RTL4: variants seen among roughly 807,000 people sequenced by gnomAD.
RTL4 encodes retrotransposon Gag-like protein 4.
Under a neutral mutation model 5.3 loss-of-function variants are expected in RTL4, and 4 were observed. That is an observed-to-expected ratio of 0.75 (90% CI 0.37 to 1.72). The LOEUF (loss-of-function observed/expected upper bound fraction) is 1.72. Among genes scored for constraint, RTL4 ranks in the 40% most tolerant of loss-of-function variants. RTL4 has a pLI of 0.04. For synonymous variants in RTL4, 98 were observed against 87.3 expected (o/e 1.12, Z -0.68); for missense variants, 260 against 227.1 (o/e 1.14, Z -0.93).
At chrX:112,158,135 C>T in the RTL4 span, among the ~76,000 whole-genome samples, 1 of 40,151 alleles carries the variant, frequency 2.5e-5, no homozygotes, top group Non-Finnish European at 4.1e-5. Context: ...TGGCTCCAGC[C>T]TCCAATGATG....
At chrX:112,280,288 G>T in the RTL4 span, among the ~76,000 whole-genome samples, 4 of 111,149 alleles carry the variant, frequency 3.6e-5, no homozygotes, top group African/African-American at 1.3e-4. Context: ...ATAAGGATGG[G>T]AAAAATAGAC....
the RTL4 span, among the ~76,000 whole-genome samples, chrX:112,241,275 C>T: frequency 9.0e-6 from 1 of 111,383 alleles, no homozygotes; most frequent in African/African-American, 3.3e-5. Context: ...CACACTGTCT[C>T]CCACAATGTT....
At chrX:112,126,671 T>C in the RTL4 span, among the ~76,000 whole-genome samples, 74 of 111,822 alleles carry the variant, frequency 6.6e-4, no homozygotes, top group African/African-American at 2.0e-3. Context: ...TTAAGTAGGC[T>C]GACTAAAATA....
At chrX:112,104,988 C>T in the RTL4 span, among the ~76,000 whole-genome samples, 1 of 111,682 alleles carries the variant, frequency 9.0e-6, no homozygotes, top group East Asian at 2.8e-4. Context: ...ATCAAGCTTT[C>T]CTCCTATGTT....
At chrX:112,418,782 G>A in the RTL4 span, among the ~76,000 whole-genome samples, 4 of 109,191 alleles carry the variant, frequency 3.7e-5, no homozygotes, top group Non-Finnish European at 5.7e-5. Context: ...AGGGAAGTGG[G>A]GAAAACCTGT....
the RTL4 span, among the ~76,000 whole-genome samples, chrX:112,386,382 C>T: frequency 4.5e-5 from 5 of 111,096 alleles, no homozygotes; most frequent in South Asian, 1.5e-3. Context: ...ATAGGTTTTT[C>T]GGGAACAGGT....
At chrX:112,160,867 G>A in the RTL4 span, among the ~76,000 whole-genome samples, 1 of 108,682 alleles carries the variant, frequency 9.2e-6, no homozygotes, top group African/African-American at 3.5e-5. Context: ...ATTGCAAAGG[G>A]TCTTGAATGC....
chrX:112,130,717 A>G, the RTL4 span, among the ~76,000 whole-genome samples: 1 of 110,069 alleles, frequency 9.1e-6, no homozygotes, highest in Non-Finnish European at 1.9e-5. Flanking sequence ...AATATATTCT[A>G]CAAGTACTGT....
the RTL4 span, among the ~76,000 whole-genome samples, chrX:112,090,950 G>A: frequency 5.4e-5 from 6 of 111,048 alleles, no homozygotes; most frequent in African/African-American, 2.0e-4. Context: ...GATATTTTCA[G>A]AATTTCTATT....
the RTL4 span, among the ~76,000 whole-genome samples, chrX:112,260,841 G>A: frequency 6.3e-5 from 7 of 111,756 alleles, no homozygotes; most frequent in Non-Finnish European, 1.3e-4. Flanking sequence ...GGCCTCAAGA[G>A]CATAAACAAA....
At chrX:112,343,905 T>A in the RTL4 span, among the ~76,000 whole-genome samples, 17 of 111,759 alleles carry the variant, frequency 1.5e-4, no homozygotes, top group East Asian at 4.5e-3. Flanking sequence ...CCAATACTGA[T>A]CTCTAGATTC....
chrX:112,241,763 C>T, the RTL4 span, among the ~76,000 whole-genome samples: 1 of 111,800 alleles, frequency 8.9e-6, no homozygotes, highest in African/African-American at 3.3e-5. Context: ...GTCATGAAGT[C>T]CTTGCCCATG....
chrX:112,172,104 C>G, the RTL4 span, among the ~76,000 whole-genome samples: 3 of 112,263 alleles, frequency 2.7e-5, no homozygotes, highest in Non-Finnish European at 5.6e-5. Context: ...GAGGCCGAGG[C>G]AGATCACTTG....
the RTL4 span, among the ~76,000 whole-genome samples, chrX:112,286,556 A>T: frequency 8.9e-6 from 1 of 111,767 alleles, no homozygotes; most frequent in East Asian, 2.8e-4. Flanking sequence ...GAAATGATGG[A>T]CTAGAGTGAT....
chrX:112,327,176 G>A, the RTL4 span, among the ~76,000 whole-genome samples: 2 of 112,395 alleles, frequency 1.8e-5, no homozygotes, highest in African/African-American at 6.5e-5. Flanking sequence ...GACGAGCTCA[G>A]TGAGGAAGGC....
chrX:112,181,498 AG>A, the RTL4 span, among the ~76,000 whole-genome samples: 16 of 111,393 alleles, frequency 1.4e-4, no homozygotes, highest in East Asian at 2.8e-4. Context: ...GGTGGGGGGA[AG>A]GGGGTCTGCC....
chrX:112,332,099 G>A, the RTL4 span, among the ~76,000 whole-genome samples: 1 of 108,805 alleles, frequency 9.2e-6, no homozygotes, highest in Non-Finnish European at 1.9e-5. Flanking sequence ...CATGGTACAT[G>A]TATACATATG....
the RTL4 span, among the ~76,000 whole-genome samples, chrX:112,195,544 T>C: frequency 9.0e-6 from 1 of 111,486 alleles, no homozygotes; most frequent in South Asian, 3.8e-4. Context: ...CTTTGGGGTC[T>C]TGGGTATTTA....
the RTL4 span, among the ~76,000 whole-genome samples, chrX:112,127,628 T>A: frequency 2.7e-5 from 3 of 111,742 alleles, no homozygotes; most frequent in East Asian, 8.4e-4. Flanking sequence ...AAGGATGAAG[T>A]AAAACTCTGT....
Sources: gnomAD v4.1 joint callset for allele counts (sites outside exome capture counted in the v4.1 genomes callset) on GRCh38, gnomAD v4.1.1 for gene constraint, MANE v1.5 for transcripts, NCBI Gene and HGNC (gene_info 2026-07-23, HGNC 2026-07-21) for gene names.